Variants in SLC39A8 observed in about 807,000 individuals in gnomAD.
SLC39A8 encodes solute carrier family 39 member 8.
Under a neutral mutation model 40.4 loss-of-function variants are expected in SLC39A8, and 15 were observed. That is an observed-to-expected ratio of 0.37 (90% confidence interval 0.25 to 0.57). The LOEUF (loss-of-function observed/expected upper bound fraction) is 0.57, where lower values mean the gene tolerates loss of function less well. Among genes scored for constraint, SLC39A8 ranks in the 20% least tolerant of loss-of-function variants. The pLI is 0.75. For missense variants in SLC39A8, 472 were observed against 558.8 expected (o/e 0.84, Z 1.57); for synonymous variants, 223 against 221.6 (o/e 1.01, Z -0.06).
chr4:102,292,589 T>C (rs1001256137), intron 6 of SLC39A8, among the ~76,000 whole-genome samples: 13 of 152,114 alleles, frequency 8.5e-5, no homozygotes, highest in African/African-American at 2.7e-4. Context: ...TCCTTCCAGT[T>C]GATAAGTGCT....
chr4:102,345,034 G>T (rs766051593), intron 1 of SLC39A8, 119 bp from the exon 2 acceptor site: 1 of 501,978 alleles, frequency 2.0e-6, no homozygotes, highest in Non-Finnish European at 2.7e-6. Flanking sequence ...GGGGCCAGAC[G>T]CCCCGGATCC....
chr4:102,300,312 A>G (rs1167174432), intron 6 of SLC39A8, among the ~76,000 whole-genome samples: 1 of 152,096 alleles, frequency 6.6e-6, no homozygotes, highest in East Asian at 1.9e-4. Flanking sequence ...CTTCCATGAA[A>G]ACAAAATAAA....
At chr4:102,308,611 A>T (rs1252160245) in intron 3 of SLC39A8, among the ~76,000 whole-genome samples, 1 of 152,108 alleles carries the variant, frequency 6.6e-6, no homozygotes, top group Non-Finnish European at 1.5e-5. Context: ...GGGCTGTGCA[A>T]CATGTGACTT....
chr4:102,311,486 G>C (rs538759517), intron 3 of SLC39A8, among the ~76,000 whole-genome samples: 47 of 152,096 alleles, frequency 3.1e-4, no homozygotes, highest in Admixed American at 5.9e-4. Context: ...CTGGAACTTG[G>C]ACTTACATCA....
chr4:102,267,630 C>T lies in SLC39A8; in HGVS notation c.1093G>A (p.Ala365Thr), dbSNP rs528395987. Residue 365 changes from alanine (A) to threonine (T), a missense_variant, in exon 8 of 9, where the codon GCC becomes ACC. By Grantham distance (58) the Ala-to-Thr change is moderately conservative. This residue lies in a region of SLC39A8 where 239 missense variants were observed against 317.9 expected (regional missense o/e 0.75). Coordinates refer to ENST00000356736, the MANE Select transcript of SLC39A8 (RefSeq NM_001135146.2). ...GCAGAAAGGAAGTTGAATAGCAAGG[C>T]TTGTCGAGTGCTCATCCCTGCATTG... is the stretch of plus-strand genomic sequence containing the variant. Reference protein sequence around the residue: ...LLNAGMSTRQALLFNFLSACS... With the variant: ...LLNAGMSTRQTLLFNFLSACS... The T allele has an allele frequency of 8.7e-5, 141 of 1,613,318 alleles. 1 individual carries two copies. The South Asian group carries it at 1.4e-3, about 16-fold the overall frequency.
chr4:102,269,398 TA>T (rs1349133101), intron 6 of SLC39A8, among the ~76,000 whole-genome samples: 1 of 152,222 alleles, frequency 6.6e-6, no homozygotes, highest in East Asian at 1.9e-4. Flanking sequence ...TTGGAGCAAA[TA>T]TTTTTTTAAT....
At chr4:102,316,157 C>T (rs1416407565) in intron 2 of SLC39A8, among the ~76,000 whole-genome samples, 4 of 151,986 alleles carry the variant, frequency 2.6e-5, no homozygotes, top group East Asian at 3.9e-4. Context: ...GGTTTTAAAA[C>T]AATTTTTTAT....
exon 12 of SLC39A8, chr4:102,251,546 G>C (rs1463056677): frequency 6.6e-6 from 1 of 152,174 alleles, no homozygotes; most frequent in African/African-American, 2.4e-5. Flanking sequence ...ATTGATGTAA[G>C]ACAGGTTAAC....
At chr4:102,284,405 C>T (rs1003242619) in intron 6 of SLC39A8, among the ~76,000 whole-genome samples, 13 of 152,084 alleles carry the variant, frequency 8.5e-5, no homozygotes, top group African/African-American at 7.2e-5. Context: ...AATGGCAGAG[C>T]GCATGAACAT....
chr4:102,331,663 T>G (rs1248991886), intron 2 of SLC39A8, among the ~76,000 whole-genome samples: 1 of 152,182 alleles, frequency 6.6e-6, no homozygotes, highest in Non-Finnish European at 1.5e-5. Flanking sequence ...TGGAAAAAAC[T>G]ACTTTAAATT....
intron 6 of SLC39A8, among the ~76,000 whole-genome samples, chr4:102,283,753 T>C (rs186337957): frequency 2.6e-5 from 4 of 152,346 alleles, no homozygotes; most frequent in South Asian, 2.1e-4. Flanking sequence ...TTATTAACAC[T>C]GTTTAAGTGT....
At position 102,253,991 on chromosome 4, in the gene SLC39A8, A is replaced by G. The variant is rs78365219; in HGVS notation, c.*299-561T>C. On this transcript the variant is annotated intron_variant and NMD_transcript_variant, in intron 11 of 11. Transcript: ENST00000424970. ...CACTCTACAGTTCTCTTTTGGTATC[A>G]TTAATTGCAAAAGAGTTCCAGCTCA... 4.6e-3 allele frequency among the ~76,000 whole-genome samples: 701 copies of G among 152,290 alleles called. 6 individuals carry two copies. The highest frequency in any genetic ancestry group is 0.016 in the African/African-American group (677 of 41,550).
At position 102,301,243 on chromosome 4, in the gene SLC39A8, A is replaced by G. The variant is rs113771229; in HGVS notation, c.840+3074T>C. 2.0e-3 allele frequency among the ~76,000 whole-genome samples: 306 copies of G among 152,142 alleles called. 2 individuals are homozygous for G. The highest frequency in any genetic ancestry group is 7.2e-3 in the African/African-American group (298 of 41,550). On this transcript the variant is annotated intron_variant, in intron 6 of 8. Coordinates refer to ENST00000356736, the MANE Select transcript of SLC39A8 (RefSeq NM_001135146.2). Reference sequence around the variant, plus strand: ...AGGAATTGTGCCACTGCTCTCCAGCATTGATGTGGGGAAGTCCACTACCAT... The same window carrying G: ...AGGAATTGTGCCACTGCTCTCCAGCGTTGATGTGGGGAAGTCCACTACCAT...
chr4:102,330,844 T>A (rs1484406992), intron 2 of SLC39A8, among the ~76,000 whole-genome samples: 5 of 152,192 alleles, frequency 3.3e-5, no homozygotes, highest in Admixed American at 3.3e-4. Flanking sequence ...GTCAGTTTCA[T>A]CCCTGGAATG....
intron 3 of SLC39A8, among the ~76,000 whole-genome samples, chr4:102,308,007 C>A (rs950100743): frequency 6.6e-6 from 1 of 151,654 alleles, no homozygotes; most frequent in East Asian, 2.0e-4. Context: ...GCAGTGTGAG[C>A]CTCAGGACAA....
intron 2 of SLC39A8, among the ~76,000 whole-genome samples, chr4:102,321,424 G>A (rs1385128560): frequency 3.3e-5 from 5 of 152,216 alleles, no homozygotes; most frequent in African/African-American, 1.2e-4. Flanking sequence ...CAAGGGGCAG[G>A]AGCCTGCCCT....
Position 102,285,822 on chromosome 4 carries a change from A to T in SLC39A8, c.841-17743T>A, listed in dbSNP as rs1428451387. ...ATAGAATAAATAAAATGGAATAATA[A>T]AATGTAGAGTAAATTCTGCCTCTGC... On this transcript the variant is annotated intron_variant, in intron 6 of 8. Transcript: ENST00000356736. Among the ~76,000 whole-genome samples, 4 of 152,222 alleles carry T rather than the reference A, an allele frequency of 2.6e-5. No homozygotes were observed. In the East Asian group the frequency reaches 7.7e-4, roughly 29 times the overall value.
intron 2 of SLC39A8, among the ~76,000 whole-genome samples, chr4:102,333,193 T>A (rs1735538326): frequency 6.6e-6 from 1 of 151,998 alleles, no homozygotes; most frequent in African/African-American, 2.4e-5. Flanking sequence ...TATATATACA[T>A]ATATATGTAT....
intron 3 of SLC39A8, among the ~76,000 whole-genome samples, chr4:102,309,400 C>G (rs1009952353): frequency 5.3e-5 from 8 of 152,054 alleles, no homozygotes; most frequent in Non-Finnish European, 1.2e-4. Context: ...CAGGTCCTGG[C>G]CATGCCCTAC....
Sources: gnomAD v4.1 joint callset for allele counts (sites outside exome capture counted in the v4.1 genomes callset) on GRCh38, gnomAD v4.1.1 for gene constraint, gnomAD v4.1.1 regional missense constraint, MANE v1.5 for transcripts, NCBI Gene and HGNC (gene_info 2026-07-23, HGNC 2026-07-21) for gene names.